The following SYT1 variants were observed in gnomAD, a reference collection of about 807,000 sequenced individuals.
SYT1 encodes synaptotagmin 1.
SYT1 carries 8 observed loss-of-function variants against 44.8 expected under a neutral mutation model. The ratio of observed to expected loss-of-function variants is 0.18; its 90% CI spans 0.10 to 0.32. The LOEUF is 0.32. SYT1 is among the 10% of genes least tolerant of loss of function. SYT1 has a pLI of 1.00. For missense variants in SYT1, 286 were observed against 509.3 expected (o/e 0.56, Z 4.22); for synonymous variants, 154 against 188.8 (o/e 0.82, Z 1.51).
intron 8 of SYT1, among the ~76,000 whole-genome samples, chr12:79,343,037 G>A (rs1447074009): frequency 6.6e-6 from 1 of 152,218 alleles, no homozygotes; most frequent in African/African-American, 2.4e-5. Context: ...GAGACCAAGA[G>A]TGAGTGGCCA....
chr12:78,871,789 C>G (rs540539280), intron 1 of SYT1, among the ~76,000 whole-genome samples: 14 of 151,584 alleles, frequency 9.2e-5, no homozygotes, highest in Admixed American at 2.6e-4. Context: ...CTGCCTAATC[C>G]CTAGCATTTT....
chr12:79,123,788 A>T (rs1868324544), intron 3 of SYT1, among the ~76,000 whole-genome samples: 1 of 152,206 alleles, frequency 6.6e-6, no homozygotes, highest in Non-Finnish European at 1.5e-5. Context: ...ATAAACAGAA[A>T]TGCTTTTTAA....
At chr12:79,373,371 T>G (rs1883868983) in intron 9 of SYT1, among the ~76,000 whole-genome samples, 1 of 152,160 alleles carries the variant, frequency 6.6e-6, no homozygotes, top group Non-Finnish European at 1.5e-5. Context: ...ATGGACATTA[T>G]AAACTTAAAA....
rs1490066658 is a variant in SYT1 at position 79,449,136 on chromosome 12, A to C, written c.*12A>C. The C allele has an allele frequency of 6.3e-7, 1 of 1,591,350 alleles. No individual in the cohort carries two copies. The highest frequency in any genetic ancestry group is 1.8e-5 in the Admixed American group (1 of 55,642). On this transcript the variant is annotated 3_prime_UTR_variant, in exon 11 of 11. Transcript: ENST00000261205. The stretch of plus-strand genomic sequence containing the variant: ...CCGTCAAGAAGTAAAGGAAAGAAGA[A>C]GCCTTTCTGCATTTGCCCATATAGT...
intron 3 of SYT1, among the ~76,000 whole-genome samples, chr12:79,049,762 A>T (rs1384954824): frequency 6.6e-6 from 1 of 151,980 alleles, no homozygotes; most frequent in Non-Finnish European, 1.5e-5. Context: ...TTATAAATGA[A>T]AGCTTTTTAG....
intron 3 of SYT1, among the ~76,000 whole-genome samples, chr12:79,202,669 G>A (rs973346514): frequency 6.6e-6 from 1 of 152,104 alleles, no homozygotes; most frequent in South Asian, 2.1e-4. Flanking sequence ...TTTATTTGTA[G>A]AGTACTCCTA....
chr12:79,091,371 T>G (rs551603434), intron 3 of SYT1, among the ~76,000 whole-genome samples: 5 of 152,078 alleles, frequency 3.3e-5, no homozygotes, highest in South Asian at 2.1e-4. Flanking sequence ...GCAAACAAGT[T>G]TTTAATATGA....
At chr12:78,919,261 C>G (rs1876846019) in intron 1 of SYT1, among the ~76,000 whole-genome samples, 1 of 151,870 alleles carries the variant, frequency 6.6e-6, no homozygotes, top group Admixed American at 6.6e-5. Flanking sequence ...CTCTGGGGAC[C>G]TTGAGCAAAA....
At chr12:78,869,790 T>C (rs1210674657) in intron 1 of SYT1, among the ~76,000 whole-genome samples, 3 of 152,050 alleles carry the variant, frequency 2.0e-5, no homozygotes, top group African/African-American at 7.2e-5. Context: ...TATTTAAGCC[T>C]TAAGTTCTGA....
intron 2 of SYT1, among the ~76,000 whole-genome samples, chr12:78,979,741 G>A (rs988737903): frequency 5.9e-5 from 9 of 151,916 alleles, no homozygotes; most frequent in Non-Finnish European, 1.2e-4. Context: ...TTAAGGATAT[G>A]GATGTCTGTT....
intron 1 of SYT1, among the ~76,000 whole-genome samples, chr12:78,920,525 C>A (rs1295340761): frequency 6.6e-6 from 1 of 151,506 alleles, no homozygotes; most frequent in Non-Finnish European, 1.5e-5. Flanking sequence ...GTTTTAATTT[C>A]TTCTTTTACC....
At chr12:79,371,138 A>C (rs1210737542) in intron 9 of SYT1, among the ~76,000 whole-genome samples, 1 of 152,228 alleles carries the variant, frequency 6.6e-6, no homozygotes, top group Non-Finnish European at 1.5e-5. Flanking sequence ...AGGTATGGTT[A>C]TCCCCATATA....
intron 2 of SYT1, among the ~76,000 whole-genome samples, chr12:79,001,161 C>T (rs1381371798): frequency 1.3e-5 from 2 of 151,804 alleles, no homozygotes; most frequent in Non-Finnish European, 2.9e-5. Context: ...CTAAAAATTG[C>T]CATTATTTAA....
intron 4 of SYT1, among the ~76,000 whole-genome samples, chr12:79,284,446 T>A (rs140428910): frequency 6.6e-6 from 1 of 152,208 alleles, no homozygotes; most frequent in Non-Finnish European, 1.5e-5. Context: ...TGTGTATTTA[T>A]CTTGCTTTTT....
At chr12:79,285,302 C>G (rs574771403) in intron 4 of SYT1, among the ~76,000 whole-genome samples, 1 of 152,182 alleles carries the variant, frequency 6.6e-6, no homozygotes, top group African/African-American at 2.4e-5. Flanking sequence ...ATTTATTAAG[C>G]TTTTGCCATG....
chr12:78,880,549 A>C (rs1468365997), intron 1 of SYT1, among the ~76,000 whole-genome samples: 1 of 151,624 alleles, frequency 6.6e-6, no homozygotes, highest in Non-Finnish European at 1.5e-5. Flanking sequence ...GAATGCCTAA[A>C]ACAACACATA....
chr12:79,151,135 G>T (rs1325967688), intron 3 of SYT1, among the ~76,000 whole-genome samples: 1 of 152,144 alleles, frequency 6.6e-6, no homozygotes, highest in Non-Finnish European at 1.5e-5. Context: ...GGAAGATGGG[G>T]TGATAAACCT....
chr12:79,310,581 A>T (rs1880727230), intron 8 of SYT1, among the ~76,000 whole-genome samples: 1 of 152,192 alleles, frequency 6.6e-6, no homozygotes. Flanking sequence ...TGGGAATGGC[A>T]TTGAATCTAT....
At chr12:79,413,395 A>T (rs1868547927) in intron 9 of SYT1, among the ~76,000 whole-genome samples, 1 of 152,186 alleles carries the variant, frequency 6.6e-6, no homozygotes, top group Non-Finnish European at 1.5e-5. Context: ...AAACCACAAG[A>T]TCTGTCTGCT....
Sources: allele counts gnomAD v4.1 joint callset (sites outside exome capture counted in the v4.1 genomes callset), GRCh38; gene constraint gnomAD v4.1.1; transcripts MANE v1.5; gene names NCBI Gene and HGNC (gene_info 2026-07-23, HGNC 2026-07-21).